EPHB1: variants seen among roughly 807,000 people sequenced by gnomAD.
The protein encoded by EPHB1 is EPH receptor B1.
A neutral mutation model predicts 94.4 loss-of-function variants in EPHB1; 30 were observed. The ratio of observed to expected loss-of-function variants is 0.32; its 90% CI spans 0.24 to 0.43. The LOEUF is 0.43. Ranked by LOEUF, EPHB1 falls within the 20% of genes least tolerant of loss-of-function variation. EPHB1 has a pLI of 1.00. For synonymous variants in EPHB1, 522 were observed against 489.1 expected (o/e 1.07, Z -0.89); for missense variants, 1,055 against 1,308.3 (o/e 0.81, Z 2.99).
chr3:135,217,460 ACACACACG>A (rs1271655003), intron 12 of EPHB1, among the ~76,000 whole-genome samples: 75 of 130,312 alleles, frequency 5.8e-4, no homozygotes, highest in African/African-American at 1.5e-3. Flanking sequence ...ACACACACAC[ACACACACG>A]CACACGGGGA....
chr3:134,822,609 C>T (rs1247776968), intron 1 of EPHB1, among the ~76,000 whole-genome samples: 1 of 152,120 alleles, frequency 6.6e-6, no homozygotes, highest in Non-Finnish European at 1.5e-5. Context: ...GAGCAAAGAC[C>T]ACTCCAAGCC....
intron 4 of EPHB1, among the ~76,000 whole-genome samples, chr3:135,123,719 C>T (rs1250799321): frequency 6.8e-6 from 1 of 148,074 alleles, no homozygotes; most frequent in African/African-American, 2.7e-5. Context: ...GATAATAATG[C>T]CTCATAGAAT....
intron 1 of EPHB1, among the ~76,000 whole-genome samples, chr3:134,915,562 C>G (rs988364176): frequency 2.0e-5 from 3 of 152,138 alleles, no homozygotes; most frequent in Non-Finnish European, 4.4e-5. Flanking sequence ...AGCCACGGAC[C>G]CTTGTGGTGA....
intron 10 of EPHB1, among the ~76,000 whole-genome samples, chr3:135,180,528 T>C (rs1412658101): frequency 3.3e-5 from 5 of 152,206 alleles, no homozygotes; most frequent in Non-Finnish European, 5.9e-5. Context: ...AAAAAATCTA[T>C]GGTACAGCTG....
chr3:135,187,133 A>G (rs539021246), intron 10 of EPHB1, among the ~76,000 whole-genome samples: 20 of 152,298 alleles, frequency 1.3e-4, no homozygotes, highest in Admixed American at 1.3e-3. Context: ...CTGGGTCCTA[A>G]CCAAATAGAT....
intron 2 of EPHB1, among the ~76,000 whole-genome samples, chr3:134,936,925 G>A (rs2039015718): frequency 6.6e-6 from 1 of 152,194 alleles, no homozygotes; most frequent in South Asian, 2.1e-4. Flanking sequence ...TCTTCACGGG[G>A]CTGACCGTGG....
At chr3:134,849,300 A>G (rs563659548) in intron 1 of EPHB1, among the ~76,000 whole-genome samples, 43 of 152,302 alleles carry the variant, frequency 2.8e-4, no homozygotes, top group African/African-American at 9.9e-4. Flanking sequence ...GGTGATGTTG[A>G]TGATGCTGGT....
intron 5 of EPHB1, among the ~76,000 whole-genome samples, chr3:135,149,059 T>C (rs1941107502): frequency 6.6e-6 from 1 of 152,206 alleles, no homozygotes; most frequent in Non-Finnish European, 1.5e-5. Context: ...TAAGAAAGGG[T>C]GCAGGGCACC....
chr3:134,846,966 G>T (rs917128891), intron 1 of EPHB1, among the ~76,000 whole-genome samples: 1 of 152,158 alleles, frequency 6.6e-6, no homozygotes, highest in Admixed American at 6.5e-5. Context: ...ATTTCCTTCG[G>T]TGGCGGGAGA....
At chr3:135,106,286 G>A (rs924524361) in intron 3 of EPHB1, among the ~76,000 whole-genome samples, 162 bp from the exon 4 acceptor site, 1 of 152,216 alleles carries the variant, frequency 6.6e-6, no homozygotes, top group Admixed American at 6.5e-5. Context: ...TGAAGAATTG[G>A]AAGTGTTAAA....
At chr3:135,094,199 C>T (rs1019637570) in intron 3 of EPHB1, among the ~76,000 whole-genome samples, 2 of 152,204 alleles carry the variant, frequency 1.3e-5, no homozygotes, top group Non-Finnish European at 2.9e-5. Context: ...GCGACATCAG[C>T]CTTGCTGGTG....
In EPHB1 at chr3:134,865,665, A is replaced by G. The variant is rs145150275; in HGVS notation, c.59-60151A>G. Among the ~76,000 whole-genome samples, 153 of 152,058 alleles carry G rather than the reference A, an allele frequency of 1.0e-3. 1 individual carries two copies. In the East Asian group the frequency reaches 0.026, roughly 25 times the overall value. On this transcript the variant is annotated intron_variant, in intron 1 of 15. Coordinates refer to ENST00000398015, the MANE Select transcript of EPHB1 (RefSeq NM_004441.5). Reference sequence around the variant, plus strand: ...ATCTGCAGCTGTTTTAAAAAAAAAAAAAAGAAAGAAAGAAAGGGGCACTCT... The same window carrying G: ...ATCTGCAGCTGTTTTAAAAAAAAAAGAAAGAAAGAAAGAAAGGGGCACTCT...
At chr3:135,016,475 A>C (rs921337223) in intron 3 of EPHB1, among the ~76,000 whole-genome samples, 1 of 152,192 alleles carries the variant, frequency 6.6e-6, no homozygotes, top group Non-Finnish European at 1.5e-5. Flanking sequence ...AAGTGATCCA[A>C]CCTAAGTGAA....
At chr3:134,886,173 A>G (rs1385369808) in intron 1 of EPHB1, among the ~76,000 whole-genome samples, 4 of 152,204 alleles carry the variant, frequency 2.6e-5, no homozygotes. Flanking sequence ...CATTTCCACA[A>G]GTGTGACAGT....
chr3:134,850,729 T>C (rs1385116302), intron 1 of EPHB1, among the ~76,000 whole-genome samples: 1 of 152,228 alleles, frequency 6.6e-6, no homozygotes, highest in Non-Finnish European at 1.5e-5. Context: ...CGGCTGGCAT[T>C]GCCTGCTCCC....
intron 3 of EPHB1, among the ~76,000 whole-genome samples, chr3:135,058,446 C>T (rs575831058): frequency 2.0e-5 from 3 of 152,156 alleles, no homozygotes; most frequent in East Asian, 3.9e-4. Flanking sequence ...GTATATCTAG[C>T]TTGTCTTTAC....
At chr3:135,008,931 A>G (rs1035980783) in intron 3 of EPHB1, among the ~76,000 whole-genome samples, 2 of 152,190 alleles carry the variant, frequency 1.3e-5, no homozygotes, top group African/African-American at 4.8e-5. Context: ...TGGGTGTTAG[A>G]AAGATTGAGT....
At chr3:135,081,773 C>A (rs913866417) in intron 3 of EPHB1, among the ~76,000 whole-genome samples, 2 of 152,126 alleles carry the variant, frequency 1.3e-5, no homozygotes, top group Admixed American at 1.3e-4. Flanking sequence ...GGACAATCCA[C>A]TCATGTGGAT....
At chr3:135,030,891 A>G (rs1936424696) in intron 3 of EPHB1, among the ~76,000 whole-genome samples, 1 of 151,886 alleles carries the variant, frequency 6.6e-6, no homozygotes, top group Admixed American at 6.6e-5. Context: ...TTGGAGTAGG[A>G]CCCTCGGAGC....
Sources: gnomAD v4.1 joint callset for allele counts (sites outside exome capture counted in the v4.1 genomes callset) on GRCh38, gnomAD v4.1.1 for gene constraint, MANE v1.5 for transcripts, NCBI Gene and HGNC (gene_info 2026-07-23, HGNC 2026-07-21) for gene names.